Variants in ZDHHC15 observed in about 807,000 individuals in gnomAD.
ZDHHC15 encodes zDHHC palmitoyltransferase 15.
A neutral mutation model predicts 31.7 loss-of-function variants in ZDHHC15; 19 were observed. The observed-to-expected ratio is 0.60, with a 90% CI of 0.42 to 0.88. ZDHHC15 has a LOEUF of 0.88. Among genes scored for constraint, ZDHHC15 ranks in the 40% least tolerant of loss-of-function variants. ZDHHC15 has a pLI of 0.00. For synonymous variants in ZDHHC15, 103 were observed against 90.0 expected, an observed-to-expected ratio of 1.14 and a Z score of -0.82; for missense variants, 209 against 251.2, an observed-to-expected ratio of 0.83 and a Z score of 1.14.
intron 1 of ZDHHC15, among the ~76,000 whole-genome samples, chrX:75,516,541 A>T (rs1197600301): frequency 1.8e-5 from 2 of 112,528 alleles, no homozygotes; most frequent in Admixed American, 1.9e-4. Context: ...AGATGTAGAA[A>T]GCTGAAACTG....
rs753546018 is a variant in ZDHHC15, at chrX:75,514,940, T to G, written c.136+7949A>C. ...TACAAACTACCTTCAGAGAATACTA[T>G]AAACATCTCTATGCAAATAAACTAG... On this transcript the variant is annotated intron_variant, in intron 1 of 11. Transcript: ENST00000373367. Among the ~76,000 whole-genome samples the G allele has an allele frequency of 1.3e-3, 142 of 112,011 alleles. 1 individual carries two copies. The Middle Eastern group carries it at 0.014, about 11-fold the overall frequency.
At chrX:75,381,305 A>G (rs1446003959) in intron 10 of ZDHHC15, among the ~76,000 whole-genome samples, 1 of 111,186 alleles carries the variant, frequency 9.0e-6, no homozygotes, top group East Asian at 2.8e-4. Context: ...TTTCTTCCCT[A>G]GTTTTATTCT....
At chrX:75,407,477 G>A (rs1338830510) in intron 10 of ZDHHC15, among the ~76,000 whole-genome samples, 13 of 109,201 alleles carry the variant, frequency 1.2e-4, no homozygotes, top group African/African-American at 3.6e-4. Context: ...ACCCCGCCTG[G>A]CCAGCCGCCC....
intron 1 of ZDHHC15, among the ~76,000 whole-genome samples, chrX:75,518,602 A>G (rs1187064757): frequency 9.3e-6 from 1 of 106,974 alleles, no homozygotes; most frequent in Non-Finnish European, 1.9e-5. Context: ...ACATAGAATT[A>G]CCATACAGTC....
intron 1 of ZDHHC15, among the ~76,000 whole-genome samples, chrX:75,510,475 T>C (rs2085244406): frequency 1.0e-5 from 1 of 95,501 alleles, no homozygotes. Context: ...ATGTTTCTTC[T>C]GTTTTTTTTT....
chrX:75,394,647 AAGGGGTCTATTCAGC>A (rs1270725602), intron 10 of ZDHHC15, among the ~76,000 whole-genome samples: 1 of 112,178 alleles, frequency 8.9e-6, no homozygotes, highest in East Asian at 2.8e-4. Context: ...TATAATGATA[AAGGGGTCTATTCAGC>A]AGGAGAATAT....
At chrX:75,505,899 G>C in intron 1 of ZDHHC15, 52 bp from the exon 2 acceptor site, 2 of 944,906 alleles carry the variant, frequency 2.1e-6, no homozygotes. Flanking sequence ...AGATGGATGA[G>C]AGAGAGAGAG....
chrX:75,449,924 G>A (rs1382131413), intron 4 of ZDHHC15, among the ~76,000 whole-genome samples: 1 of 111,880 alleles, frequency 8.9e-6, no homozygotes, highest in Admixed American at 9.6e-5. Context: ...TGAAACCTAA[G>A]AGTAAAATTC....
At chrX:75,386,933 T>TGAGGA (rs1413280978) in intron 10 of ZDHHC15, among the ~76,000 whole-genome samples, 1 of 111,495 alleles carries the variant, frequency 9.0e-6, no homozygotes, top group Non-Finnish European at 1.9e-5. Flanking sequence ...AAGAGCTCAG[T>TGAGGA]GAGGAGAGAA....
chrX:75,422,119 C>G, intron 8 of ZDHHC15, 129 bp from the exon 9 acceptor site: 1 of 812,182 alleles, frequency 1.2e-6, no homozygotes, highest in East Asian at 3.7e-5. Flanking sequence ...GCTGTGGTAG[C>G]ACAGACCTCT....
At chrX:75,384,326 T>A in intron 10 of ZDHHC15, 1 of 763,310 alleles carries the variant, frequency 1.3e-6, no homozygotes, top group Non-Finnish European at 2.0e-6. Context: ...GGAACCGCCA[T>A]CTTCCAGTAA....
At chrX:75,409,568 G>A (rs1248566851) in intron 10 of ZDHHC15, among the ~76,000 whole-genome samples, 6 of 104,279 alleles carry the variant, frequency 5.8e-5, no homozygotes, top group Non-Finnish European at 7.8e-5. Context: ...AGGCTGAGGC[G>A]GGCGGATCAT....
chrX:75,508,312 T>C (rs1271348191), intron 1 of ZDHHC15, among the ~76,000 whole-genome samples: 2 of 64,698 alleles, frequency 3.1e-5, no homozygotes, highest in Non-Finnish European at 5.3e-5. Context: ...CACCCCACAA[T>C]AGGCCCCAGT....
At position 75,374,357 on chromosome X, in the gene ZDHHC15, A is replaced by C. The variant is rs1048494060; in HGVS notation, c.*33-1412T>G. On this transcript the variant is annotated intron_variant, in intron 11 of 11. Coordinates refer to ENST00000373367, the MANE Select transcript of ZDHHC15 (RefSeq NM_144969.3). Reference sequence around the variant, plus strand: ...TATGTATCAAACCTGCACGTTCTGCACATGTGTCCCAGAAGTTAAAGTATA... The same window carrying C: ...TATGTATCAAACCTGCACGTTCTGCCCATGTGTCCCAGAAGTTAAAGTATA... Among the ~76,000 whole-genome samples, 10 of 110,322 alleles carry C rather than the reference A, an allele frequency of 9.1e-5. No homozygotes were observed. The South Asian group carries it at 2.0e-3, about 22-fold the overall frequency.
intron 10 of ZDHHC15, among the ~76,000 whole-genome samples, chrX:75,414,323 G>GCTA (rs2083520148): frequency 9.1e-6 from 1 of 110,320 alleles, no homozygotes; most frequent in Non-Finnish European, 1.9e-5. Flanking sequence ...ATAATTTGCT[G>GCTA]TGCTAATACA....
At chrX:75,399,698 G>A (rs776866640) in intron 10 of ZDHHC15, among the ~76,000 whole-genome samples, 1 of 111,464 alleles carries the variant, frequency 9.0e-6, no homozygotes, top group South Asian at 3.9e-4. Context: ...ACTACAGCCA[G>A]ACTAAAGGGG....
chrX:75,424,940 C>CAATGATGAT (rs2083693992), intron 7 of ZDHHC15, among the ~76,000 whole-genome samples, 156 bp from the exon 8 acceptor site: 1 of 111,286 alleles, frequency 9.0e-6, no homozygotes, highest in African/African-American at 3.3e-5. Context: ...TTCTTTCTGT[C>CAATGATGAT]AATGATGATA....
At chrX:75,417,390 T>A (rs1467165146) in intron 9 of ZDHHC15, among the ~76,000 whole-genome samples, 200 bp from the exon 10 acceptor site, 1 of 112,052 alleles carries the variant, frequency 8.9e-6, no homozygotes. Context: ...TGTGTCTGCA[T>A]CAGTGTTAAC....
intron 11 of ZDHHC15, 132 bp from the exon 12 acceptor site, chrX:75,373,077 G>A (rs1175242581): frequency 1.8e-5 from 2 of 111,212 alleles, no homozygotes; most frequent in Non-Finnish European, 3.8e-5. Flanking sequence ...ACTGAAAAAT[G>A]TTAAGTGAAA....
Sources: gnomAD v4.1 joint callset for allele counts (sites outside exome capture counted in the v4.1 genomes callset) on GRCh38, gnomAD v4.1.1 for gene constraint, MANE v1.5 for transcripts, NCBI Gene and HGNC (gene_info 2026-07-23, HGNC 2026-07-21) for gene names.